Variants in GLMN observed in about 807,000 individuals in gnomAD.
GLMN encodes glomulin, FKBP associated protein, also known as glomulin.
Under a neutral mutation model 87.8 loss-of-function variants are expected in GLMN, and 75 were observed. That is an observed-to-expected ratio of 0.85 (90% CI 0.71 to 1.04). The LOEUF (loss-of-function observed/expected upper bound fraction) is 1.04. Ranked by LOEUF, GLMN falls within the 50% of genes least tolerant of loss-of-function variation. The probability of loss-of-function intolerance (pLI) is 0.00; values close to 1 mark genes in which losing one functional copy is unlikely to be tolerated. For missense variants in GLMN, 588 were observed against 658.8 expected, an observed-to-expected ratio of 0.89 and a Z score of 1.18; for synonymous variants, 206 against 221.6, an observed-to-expected ratio of 0.93 and a Z score of 0.63.
chr1:92,339,538 C>T, the GLMN span, among the ~76,000 whole-genome samples: 3 of 152,096 alleles, frequency 2.0e-5, no homozygotes, highest in African/African-American at 4.8e-5. Context: ...TGCCTGCTCC[C>T]TTCTGGCAGC....
chr1:92,283,374 G>C (rs1204052620), intron 7 of GLMN, among the ~76,000 whole-genome samples: 2 of 152,086 alleles, frequency 1.3e-5, no homozygotes, highest in Non-Finnish European at 2.9e-5. Flanking sequence ...AAAACCACAT[G>C]ATTATCTTAA....
Position 92,291,541 on chromosome 1 carries a change from TA to T in GLMN, c.166-5del. 1 of 1,613,636 alleles carries T rather than the reference TA, an allele frequency of 6.2e-7. No homozygotes were observed. The highest frequency in any genetic ancestry group is 1.1e-5 in the South Asian group (1 of 91,054). On this transcript the variant is annotated splice_polypyrimidine_tract_variant and splice_region_variant and intron_variant, in intron 3 of 18. Coordinates refer to ENST00000370360, the MANE Select transcript of GLMN (RefSeq NM_053274.3). ...AGCCCATATTCTTGATGATGACCTG[TA>T]AAAACATTTTCAGAGTAAAGCAAAC...
upstream of GLMN, chr1:92,301,496 C>T (rs1571011589): frequency 1.3e-6 from 2 of 1,587,578 alleles, no homozygotes; most frequent in Non-Finnish European, 1.7e-6. Context: ...CTAGAAGCAG[C>T]TGTGAGAAAG....
the GLMN span, chr1:92,304,350 G>T: frequency 6.6e-7 from 1 of 1,504,376 alleles, no homozygotes; most frequent in Non-Finnish European, 9.1e-7. Context: ...TGAAAGAAAG[G>T]TGAGTTTAAA....
At chr1:92,360,295 G>T in the GLMN span, among the ~76,000 whole-genome samples, 1 of 152,208 alleles carries the variant, frequency 6.6e-6, no homozygotes, top group Non-Finnish European at 1.5e-5. Flanking sequence ...GCAATTAGGT[G>T]GTGTGGGTAA....
At chr1:92,287,766 GGTCTTGTAC>G (rs1027952595) in intron 6 of GLMN, among the ~76,000 whole-genome samples, 3 of 150,360 alleles carry the variant, frequency 2.0e-5, no homozygotes, top group African/African-American at 7.3e-5. Context: ...TGCCCAGGCT[GGTCTTGTAC>G]TCCTGGCCTC....
In GLMN at chr1:92,286,565, C is replaced by G. The variant is rs769882869; in HGVS notation, c.660G>C (p.Leu220Phe). ...KFCFKSLKCP[L>F]LTAQFFEQSE... is the part of the protein sequence containing the mutation. ...ACTGTTCAAAGAATTGTGCTGTCAG[C>G]AAAGGGCATTTCAAGCTTTTGAAAC... The change falls in exon 7 of 19, where the codon TTG becomes TTC. Residue 220 changes from leucine to phenylalanine, a missense_variant. Physicochemically the swap from Leu to Phe is conservative, Grantham distance 22 (BLOSUM62 0). Transcript: ENST00000370360. 37 of 1,601,634 alleles carry G rather than the reference C, an allele frequency of 2.3e-5. No homozygotes were observed. The highest frequency in any genetic ancestry group is 3.3e-5 in the Admixed American group (2 of 59,940).
intron 3 of GLMN, among the ~76,000 whole-genome samples, chr1:92,292,736 T>TC (rs1299950411): frequency 2.0e-5 from 3 of 147,400 alleles, no homozygotes; most frequent in African/African-American, 7.4e-5. Context: ...TCTTTTCTTT[T>TC]TTTTTTTTTT....
chr1:92,289,857 C>T (rs535143640), intron 5 of GLMN, among the ~76,000 whole-genome samples: 155 of 152,296 alleles, frequency 1.0e-3, no homozygotes, highest in African/African-American at 3.5e-3. Flanking sequence ...AGATTTAGTA[C>T]TGCAGACACC....
At chr1:92,279,198 G>A (rs1647655932) in intron 7 of GLMN, among the ~76,000 whole-genome samples, 1 of 152,178 alleles carries the variant, frequency 6.6e-6, no homozygotes, top group Non-Finnish European at 1.5e-5. Context: ...GCTCACGCCT[G>A]TAATCCCTGC....
chr1:92,268,268 G>T, intron 9 of GLMN, 133 bp from the exon 10 acceptor site: 1 of 624,944 alleles, frequency 1.6e-6, no homozygotes, highest in Non-Finnish European at 2.9e-6. Flanking sequence ...AAATTCTGTT[G>T]AAGAACTTGA....
At chr1:92,274,531 T>G (rs1216212765) in intron 7 of GLMN, among the ~76,000 whole-genome samples, 1 of 152,164 alleles carries the variant, frequency 6.6e-6, no homozygotes, top group Non-Finnish European at 1.5e-5. Flanking sequence ...TCTACCCAAT[T>G]CCTGCTATGA....
the GLMN span, among the ~76,000 whole-genome samples, chr1:92,368,054 A>T: frequency 1.3e-5 from 2 of 152,180 alleles, no homozygotes; most frequent in Admixed American, 1.3e-4. Flanking sequence ...TGGAGCTACA[A>T]TATGGAGTTT....
At chr1:92,314,848 C>T in the GLMN span, among the ~76,000 whole-genome samples, 3 of 151,864 alleles carry the variant, frequency 2.0e-5, no homozygotes, top group Admixed American at 1.3e-4. Flanking sequence ...AGTTTGAGAC[C>T]AGCCTGGCCA....
At chr1:92,365,460 G>T in the GLMN span, among the ~76,000 whole-genome samples, 1 of 152,184 alleles carries the variant, frequency 6.6e-6, no homozygotes, top group Non-Finnish European at 1.5e-5. Context: ...ATGGGCATAA[G>T]AATTTTTTAA....
chr1:92,304,087 A>G, the GLMN span: 2 of 1,553,628 alleles, frequency 1.3e-6, no homozygotes, highest in Non-Finnish European at 1.8e-6. Flanking sequence ...TAAGTAACTC[A>G]TTTTTTTTAA....
At chr1:92,327,988 G>A in the GLMN span, among the ~76,000 whole-genome samples, 1 of 152,162 alleles carries the variant, frequency 6.6e-6, no homozygotes, top group Admixed American at 6.5e-5. Flanking sequence ...GGACTCCAAT[G>A]TCTTCTAGCT....
intron 11 of GLMN, among the ~76,000 whole-genome samples, chr1:92,267,467 G>A (rs1460318961): frequency 6.6e-6 from 1 of 152,130 alleles, no homozygotes; most frequent in East Asian, 1.9e-4. Context: ...ACTTTGGGGG[G>A]CTGAGGCAGG....
At chr1:92,356,655 G>A in the GLMN span, among the ~76,000 whole-genome samples, 9 of 146,828 alleles carry the variant, frequency 6.1e-5, no homozygotes, top group African/African-American at 1.5e-4. Context: ...GACTGGTCTC[G>A]AACTCCTGGC....
Sources: gnomAD v4.1 joint callset for allele counts (sites outside exome capture counted in the v4.1 genomes callset) on GRCh38, gnomAD v4.1.1 for gene constraint, MANE v1.5 for transcripts, NCBI Gene and HGNC (gene_info 2026-07-23, HGNC 2026-07-21) for gene names.